SLX9: variants seen among roughly 807,000 people sequenced by gnomAD.
SLX9 encodes ribosome biogenesis protein SLX9 homolog.
Under a neutral mutation model 20.8 loss-of-function variants are expected in SLX9, and 19 were observed. That is an observed-to-expected ratio of 0.91 (90% CI 0.64 to 1.34). SLX9 has a LOEUF of 1.34. Ranked by LOEUF, SLX9 falls within the 40% of genes most tolerant of loss-of-function variation. The pLI is 0.00. For missense variants in SLX9, 299 were observed against 322.2 expected (o/e 0.93, Z 0.55); for synonymous variants, 113 against 137.1 (o/e 0.82, Z 1.23).
At chr21:44,968,817 G>A (rs1229098598) in intron 4 of SLX9, among the ~76,000 whole-genome samples, 2 of 148,340 alleles carry the variant, frequency 1.3e-5, no homozygotes, top group Admixed American at 6.8e-5. Flanking sequence ...GCAGTGGCAC[G>A]ATCTTGGCTC....
chr21:44,967,022 C>T lies in SLX9; in HGVS notation c.353-12C>T, dbSNP rs371356503. On this transcript the variant is annotated splice_polypyrimidine_tract_variant and intron_variant, in intron 3 of 5. Transcript: ENST00000291634. ...CTCTTGTTTGCCTCTAACGTCGTTTCTCCTTCCTTAGAAATCGAAGCCATA... is the reference window on the plus strand; with the variant it reads ...CTCTTGTTTGCCTCTAACGTCGTTTTTCCTTCCTTAGAAATCGAAGCCATA... The T allele has an allele frequency of 4.9e-5, 78 of 1,604,596 alleles. No individual in the cohort carries two copies. In the African/African-American group the frequency reaches 9.4e-4, roughly 19 times the overall value.
At chr21:44,971,801 G>A (rs1380133716) in intron 4 of SLX9, among the ~76,000 whole-genome samples, 7 of 152,320 alleles carry the variant, frequency 4.6e-5, no homozygotes, top group Non-Finnish European at 7.4e-5. Context: ...GGAGGGGGTC[G>A]GCTGGCCAGG....
At chr21:44,949,207 C>T (rs2084706175) in intron 2 of SLX9, among the ~76,000 whole-genome samples, 2 of 152,172 alleles carry the variant, frequency 1.3e-5, no homozygotes, top group Admixed American at 6.5e-5. Flanking sequence ...TGCTTGCTCC[C>T]GCTCCTGCTG....
intron 2 of SLX9, among the ~76,000 whole-genome samples, chr21:44,959,886 G>T (rs569305794): frequency 6.6e-6 from 1 of 152,190 alleles, no homozygotes; most frequent in Non-Finnish European, 1.5e-5. Context: ...CACTGCGGGG[G>T]GACGCTGCTG....
At chr21:44,955,260 C>T (rs573443298) in intron 2 of SLX9, among the ~76,000 whole-genome samples, 58 of 151,354 alleles carry the variant, frequency 3.8e-4, no homozygotes, top group African/African-American at 1.4e-3. Context: ...GAGACAGGGG[C>T]CCTCCCGCTT....
intron 1 of SLX9, among the ~76,000 whole-genome samples, chr21:44,942,671 G>T (rs1164474963): frequency 6.6e-6 from 1 of 152,172 alleles, no homozygotes; most frequent in Non-Finnish European, 1.5e-5. Flanking sequence ...AGTTTTATGT[G>T]ACATGGGAGC....
intron 3 of SLX9, among the ~76,000 whole-genome samples, chr21:44,962,676 T>A (rs2084966040): frequency 6.6e-6 from 1 of 152,164 alleles, no homozygotes; most frequent in South Asian, 2.1e-4. Context: ...TTCTCTTGGG[T>A]AAGTGCTGAG....
At chr21:44,948,337 C>A (rs10460740) in intron 2 of SLX9, among the ~76,000 whole-genome samples, 1 of 119,398 alleles carries the variant, frequency 8.4e-6, no homozygotes, top group Non-Finnish European at 1.7e-5. Context: ...ATCGGGCGTC[C>A]GGGGAGCTGG....
intron 4 of SLX9, 109 bp from the exon 5 acceptor site, chr21:44,973,088 T>C (rs1272598894): frequency 2.6e-6 from 3 of 1,161,646 alleles, no homozygotes; most frequent in African/African-American, 3.7e-5. Context: ...TTTGGTCACC[T>C]CTGGCCACCA....
rs1208568034 is a variant in SLX9 at position 44,943,780 on chromosome 21, TC to T, written c.228del (p.Val77SerfsTer32). 6.2e-7 allele frequency: 1 copy of T among 1,614,066 alleles called. No individual in the cohort carries two copies. The highest frequency in any genetic ancestry group is 8.5e-7 in the Non-Finnish European group (1 of 1,180,022). On this transcript the variant is annotated frameshift_variant, in exon 2 of 6. Coordinates refer to ENST00000291634, the MANE Select transcript of SLX9 (RefSeq NM_058190.4). LOFTEE classifies it high-confidence loss of function. Reference sequence around the variant, plus strand: ...GGAGCTGGACGTGAGGAGTGTCACTTCCGTCAGGAGAGGTGAGGCAGGCTCG... The same window carrying T: ...GGAGCTGGACGTGAGGAGTGTCACTTCGTCAGGAGAGGTGAGGCAGGCTCG... ...KLELDVRSVTSVRRGEAGSSA... is the reference protein window; with the variant it reads ...KLELDVRSVTXVRRGEAGSSA...
At chr21:44,959,866 G>A (rs2084923112) in intron 2 of SLX9, among the ~76,000 whole-genome samples, 1 of 152,186 alleles carries the variant, frequency 6.6e-6, no homozygotes, top group African/African-American at 2.4e-5. Context: ...GGGGTGAGTG[G>A]CCAGGCCATC....
intron 2 of SLX9, 79 bp from the exon 3 acceptor site, chr21:44,960,021 G>A: frequency 1.5e-6 from 2 of 1,308,684 alleles, no homozygotes; most frequent in South Asian, 1.2e-5. Context: ...CTGCAGTCAG[G>A]ACCCGCCCCA....
chr21:44,976,275 A>AGGCTCTCGGCTCTC (rs59631583), intron 5 of SLX9, among the ~76,000 whole-genome samples: 1,657 of 151,980 alleles, frequency 0.011, 30 homozygotes, highest in African/African-American at 0.037. Context: ...CTGCCGGCTC[A>AGGCTCTCGGCTCTC]GGCTCTCGGC....
At chr21:44,952,006 C>T (rs2084767316) in intron 2 of SLX9, among the ~76,000 whole-genome samples, 1 of 147,722 alleles carries the variant, frequency 6.8e-6, no homozygotes. Context: ...ACTGGGTACA[C>T]GTGTCGTGGG....
intron 2 of SLX9, among the ~76,000 whole-genome samples, chr21:44,951,547 T>C (rs956039831): frequency 8.5e-5 from 13 of 152,122 alleles, no homozygotes; most frequent in Admixed American, 3.9e-4. Context: ...GGGATCAACT[T>C]TTACCTAAAA....
Position 44,966,551 on chromosome 21 carries a change from A to G in SLX9, c.353-483A>G, listed in dbSNP as rs116495856. On this transcript the variant is annotated intron_variant, in intron 3 of 5. Transcript: ENST00000291634. ...TCTCTAGCGTGGAGGCCTCAGCCCT[A>G]CCTGCCACCCCCCATGGCCCCAAGC... Among the ~76,000 whole-genome samples the G allele has an allele frequency of 2.5e-3, 388 of 152,226 alleles. 1 individual carries two copies. Among genetic ancestry groups the G allele is most frequent in the African/African-American group, 8.9e-3 (370 of 41,536 alleles).
chr21:44,961,871 G>A lies in SLX9; in HGVS notation c.352+1703G>A, dbSNP rs2084954095. 2.6e-5 allele frequency among the ~76,000 whole-genome samples: 4 copies of A among 152,194 alleles called. No homozygotes were observed. The South Asian group carries it at 8.3e-4, about 32-fold the overall frequency. On this transcript the variant is annotated intron_variant, in intron 3 of 5. Transcript: ENST00000291634. ...CTGTTTGTATATGTTTTGTTCAGGA[G>A]TGAAAGGCTGTAAGTTATCTCTAAA...
chr21:44,944,018 C>A (rs2084598748), intron 2 of SLX9, among the ~76,000 whole-genome samples, 181 bp downstream of exon 2: 1 of 152,166 alleles, frequency 6.6e-6, no homozygotes, highest in Admixed American at 6.5e-5. Context: ...GTGGTTTTGC[C>A]CCTGGGCTGC....
chr21:44,944,577 C>T (rs143120376), intron 2 of SLX9, among the ~76,000 whole-genome samples: 5 of 152,356 alleles, frequency 3.3e-5, no homozygotes, highest in Non-Finnish European at 5.9e-5. Flanking sequence ...TTCCTTCACT[C>T]ATCTAAGGGA....
Sources: gnomAD v4.1 joint callset for allele counts (sites outside exome capture counted in the v4.1 genomes callset) on GRCh38, gnomAD v4.1.1 for gene constraint, MANE v1.5 for transcripts, NCBI Gene and HGNC (gene_info 2026-07-23, HGNC 2026-07-21) for gene names.